ESR1: variants seen among roughly 807,000 people sequenced by gnomAD.
The protein encoded by ESR1 is estrogen receptor 1, also known as estrogen receptor.
ESR1 carries 12 observed loss-of-function variants against 52.7 expected under a neutral mutation model. That is an observed-to-expected ratio of 0.23 (90% CI 0.15 to 0.37). The LOEUF is 0.37. ESR1 is among the 10% of genes least tolerant of loss of function. ESR1 has a pLI of 1.00. For missense variants in ESR1, 584 were observed against 779.7 expected (o/e 0.75, Z 2.99); for synonymous variants, 305 against 316.8 (o/e 0.96, Z 0.39).
intron 5 of ESR1, among the ~76,000 whole-genome samples, chr6:152,030,934 C>A (rs2044641491): frequency 6.6e-6 from 1 of 152,294 alleles, no homozygotes; most frequent in South Asian, 2.1e-4. Flanking sequence ...TTATAACAAA[C>A]TATCTCTCAG....
chr6:151,808,987 C>T (rs1778348479), intron 1 of ESR1: 1 of 258,222 alleles, frequency 3.9e-6, no homozygotes, highest in Non-Finnish European at 8.4e-6. Context: ...TTGAATGGGT[C>T]TGATTTCGGA....
chr6:152,082,214 T>G (rs1193406970), intron 6 of ESR1, among the ~76,000 whole-genome samples: 1 of 152,156 alleles, frequency 6.6e-6, no homozygotes, highest in Non-Finnish European at 1.5e-5. Context: ...AAATCCTCAA[T>G]AAAATACTGG....
At chr6:151,778,407 C>CTTTT (rs34516184) in intron 2 of ESR1, among the ~76,000 whole-genome samples, 1 of 142,648 alleles carries the variant, frequency 7.0e-6, no homozygotes, top group Non-Finnish European at 1.5e-5. Flanking sequence ...ATATTTACAA[C>CTTTT]TTTTTTTTTT....
At chr6:151,780,122 G>T (rs1786407145) in intron 2 of ESR1, among the ~76,000 whole-genome samples, 1 of 151,684 alleles carries the variant, frequency 6.6e-6, no homozygotes, top group South Asian at 2.1e-4. Context: ...AGTTCCACAA[G>T]TTTCACAAGT....
chr6:152,109,967 A>G (rs2051112466), intron 6 of ESR1, among the ~76,000 whole-genome samples: 1 of 152,250 alleles, frequency 6.6e-6, no homozygotes, highest in Non-Finnish European at 1.5e-5. Context: ...ACTGTGAGAC[A>G]GCATACACAC....
intron 2 of ESR1, among the ~76,000 whole-genome samples, chr6:151,862,299 G>A (rs1252557886): frequency 6.6e-6 from 1 of 152,216 alleles, no homozygotes; most frequent in Non-Finnish European, 1.5e-5. Context: ...AGGGAAAGGA[G>A]TGCTTCCAGA....
At chr6:151,736,316 T>C (rs1782652844) in intron 2 of ESR1, among the ~76,000 whole-genome samples, 1 of 151,882 alleles carries the variant, frequency 6.6e-6, no homozygotes, top group Admixed American at 6.6e-5. Context: ...TTTAAAAAGA[T>C]TTTTCTCCTA....
intron 4 of ESR1, among the ~76,000 whole-genome samples, chr6:151,970,479 T>A (rs563577658): frequency 5.3e-5 from 8 of 152,294 alleles, no homozygotes; most frequent in African/African-American, 1.4e-4. Context: ...AGCTTGGTGA[T>A]GGGGCAGTCA....
intron 1 of ESR1, among the ~76,000 whole-genome samples, chr6:151,701,130 G>A (rs1057508074): frequency 2.6e-5 from 4 of 151,874 alleles, no homozygotes; most frequent in South Asian, 2.1e-4. Context: ...CTGAATCTTC[G>A]TGGTAAAATC....
intron 1 of ESR1, among the ~76,000 whole-genome samples, chr6:151,657,898 A>G (rs970758962): frequency 2.0e-5 from 3 of 152,218 alleles, no homozygotes; most frequent in African/African-American, 4.8e-5. Flanking sequence ...TGGCAAAAAA[A>G]AAGTATGATG....
At chr6:151,812,244 A>C (rs1191101084) in intron 1 of ESR1, among the ~76,000 whole-genome samples, 2 of 152,186 alleles carry the variant, frequency 1.3e-5, no homozygotes, top group Non-Finnish European at 2.9e-5. Flanking sequence ...GAAACTAAAC[A>C]AACATTAGGT....
chr6:151,863,151 T>A lies in ESR1; in HGVS notation c.644-17504T>A, dbSNP rs533103611. On this transcript the variant is annotated intron_variant, in intron 2 of 7. Transcript: ENST00000206249. ...CTTGGCAATGCGGGCTCTTTTTTGG[T>A]TCCATATGAACTTTAAAATTCTGTG... Among the ~76,000 whole-genome samples the A allele has an allele frequency of 2.6e-5, 4 of 152,314 alleles. No homozygotes were observed. In the East Asian group the frequency reaches 7.7e-4, roughly 29 times the overall value.
intron 4 of ESR1, among the ~76,000 whole-genome samples, chr6:151,948,309 C>T (rs771283710): frequency 6.6e-6 from 1 of 152,104 alleles, no homozygotes; most frequent in Non-Finnish European, 1.5e-5. Flanking sequence ...TTACATGTCT[C>T]GAAAGCAATT....
chr6:152,053,782 T>C lies in ESR1; in HGVS notation c.1236-7209T>C, dbSNP rs1355474413. ...CTTTCATGGAGGCCGTGTAAATTGGTATAACCTTTTTGGAAGGCGTTTTGG... is the reference window on the plus strand; with the variant it reads ...CTTTCATGGAGGCCGTGTAAATTGGCATAACCTTTTTGGAAGGCGTTTTGG... On this transcript the variant is annotated intron_variant, in intron 5 of 7. Coordinates refer to ENST00000206249, the MANE Select transcript of ESR1 (RefSeq NM_000125.4). This position sits in a 1 kb window ranked among gnomAD's most constrained non-coding sequence, Gnocchi z 4.1. Among the ~76,000 whole-genome samples the C allele has an allele frequency of 6.6e-6, 1 of 152,172 alleles. No individual in the cohort carries two copies. Among genetic ancestry groups the C allele is most frequent in the Non-Finnish European group, 1.5e-5 (1 of 68,036 alleles).
At chr6:151,771,429 T>C (rs1562392451) in intron 2 of ESR1, among the ~76,000 whole-genome samples, 1 of 152,196 alleles carries the variant, frequency 6.6e-6, no homozygotes, top group African/African-American at 2.4e-5. Flanking sequence ...CTGTTGAAAA[T>C]TTAGTCCTTC....
intron 1 of ESR1, among the ~76,000 whole-genome samples, chr6:151,693,147 C>T (rs2115357810): frequency 6.6e-6 from 1 of 152,310 alleles, no homozygotes; most frequent in African/African-American, 2.4e-5. Flanking sequence ...CATTAAGCCA[C>T]TCATTAAACT....
At chr6:151,853,554 T>A (rs1348694907) in intron 2 of ESR1, among the ~76,000 whole-genome samples, 1 of 152,184 alleles carries the variant, frequency 6.6e-6, no homozygotes, top group Non-Finnish European at 1.5e-5. Context: ...TGGAGATAAT[T>A]AAGACAAAAA....
intron 2 of ESR1, among the ~76,000 whole-genome samples, chr6:151,741,801 A>G (rs1336443208): frequency 2.6e-5 from 4 of 152,196 alleles, no homozygotes. Context: ...ACTAAAATCT[A>G]CGCATGGAGC....
At chr6:151,685,901 T>C (rs1778645810), upstream of ESR1, among the ~76,000 whole-genome samples, 1 of 152,078 alleles carries the variant, frequency 6.6e-6, no homozygotes, top group Non-Finnish European at 1.5e-5. Flanking sequence ...AAATGTAAAG[T>C]TCAATTGCAT....
Sources: gnomAD v4.1 joint callset for allele counts (sites outside exome capture counted in the v4.1 genomes callset) on GRCh38, gnomAD v4.1.1 for gene constraint, Gnocchi (gnomAD v3.1) non-coding constraint, MANE v1.5 for transcripts, NCBI Gene and HGNC (gene_info 2026-07-23, HGNC 2026-07-21) for gene names.